The following HS3ST4 variants were observed in gnomAD, a reference collection of about 807,000 sequenced individuals.
HS3ST4 encodes the protein heparan sulfate glucosamine 3-O-sulfotransferase 4.
HS3ST4 carries 17 observed loss-of-function variants against 29.2 expected under a neutral mutation model. That is an observed-to-expected ratio of 0.58 (90% CI 0.40 to 0.87). The LOEUF (loss-of-function observed/expected upper bound fraction) is 0.87. Among genes scored for constraint, HS3ST4 ranks in the 40% least tolerant of loss-of-function variants. HS3ST4 has a pLI of 0.00. For missense variants in HS3ST4, 627 were observed against 634.5 expected (o/e 0.99, Z 0.13); for synonymous variants, 314 against 285.7 (o/e 1.10, Z -1.00).
intron 1 of HS3ST4, among the ~76,000 whole-genome samples, chr16:25,874,013 T>A (rs1967800910): frequency 7.5e-6 from 1 of 132,520 alleles, no homozygotes; most frequent in Non-Finnish European, 1.7e-5. Context: ...TATACCCTTA[T>A]CAAACACTCT....
intron 1 of HS3ST4, among the ~76,000 whole-genome samples, chr16:26,041,623 G>T (rs1969636626): frequency 6.6e-6 from 1 of 152,090 alleles, no homozygotes; most frequent in Non-Finnish European, 1.5e-5. Flanking sequence ...TTTAGATTTT[G>T]CAGGCCGTGA....
chr16:26,060,447 T>C (rs1267534704), intron 1 of HS3ST4, among the ~76,000 whole-genome samples: 1 of 152,220 alleles, frequency 6.6e-6, no homozygotes, highest in Non-Finnish European at 1.5e-5. Context: ...TGAAGTACAC[T>C]GCTGTCTGAC....
chr16:25,861,174 A>AG (rs1967632522), intron 1 of HS3ST4, among the ~76,000 whole-genome samples: 2 of 152,344 alleles, frequency 1.3e-5, no homozygotes, highest in East Asian at 3.9e-4. Context: ...GAACAGAGGC[A>AG]GGGGCATCCA....
At chr16:26,006,161 T>G (rs1402498391) in intron 1 of HS3ST4, among the ~76,000 whole-genome samples, 1 of 151,814 alleles carries the variant, frequency 6.6e-6, no homozygotes, top group African/African-American at 2.4e-5. Flanking sequence ...TAGCCAGGTG[T>G]GGTGGTGCAC....
At chr16:25,714,052 G>A (rs900923353) in intron 1 of HS3ST4, among the ~76,000 whole-genome samples, 3 of 151,742 alleles carry the variant, frequency 2.0e-5, no homozygotes, top group Non-Finnish European at 2.9e-5. Context: ...GAGTCTCCTC[G>A]GGGAATTTTG....
At chr16:26,007,457 T>C (rs1393708067) in intron 1 of HS3ST4, among the ~76,000 whole-genome samples, 1 of 152,194 alleles carries the variant, frequency 6.6e-6, no homozygotes, top group Non-Finnish European at 1.5e-5. Context: ...TCAGTTTCCT[T>C]ATCCATTCGT....
chr16:25,741,314 C>T (rs1390691861), intron 1 of HS3ST4, among the ~76,000 whole-genome samples: 1 of 117,844 alleles, frequency 8.5e-6, no homozygotes, highest in Non-Finnish European at 1.6e-5. Flanking sequence ...GCCAAAATTT[C>T]ATTTTAAGTA....
chr16:26,124,671 G>A (rs1374335165), intron 1 of HS3ST4, among the ~76,000 whole-genome samples: 1 of 152,218 alleles, frequency 6.6e-6, no homozygotes, highest in African/African-American at 2.4e-5. Context: ...AGTGCCACTT[G>A]CCCTGAATCC....
At chr16:26,125,604 T>G (rs1034061472) in intron 1 of HS3ST4, among the ~76,000 whole-genome samples, 1 of 152,200 alleles carries the variant, frequency 6.6e-6, no homozygotes, top group African/African-American at 2.4e-5. Flanking sequence ...ATAATTCCAT[T>G]CTCTCTTCAC....
intron 1 of HS3ST4, among the ~76,000 whole-genome samples, chr16:25,778,498 G>A (rs1966849722): frequency 6.6e-6 from 1 of 152,222 alleles, no homozygotes; most frequent in Non-Finnish European, 1.5e-5. Flanking sequence ...CTAATTTGAT[G>A]TCAGCTTGGC....
chr16:26,058,704 C>T (rs889669769), intron 1 of HS3ST4, among the ~76,000 whole-genome samples: 1 of 152,166 alleles, frequency 6.6e-6, no homozygotes, highest in Admixed American at 6.5e-5. Context: ...TATCCTTTGC[C>T]TCTACTTTGT....
chr16:26,119,322 A>C (rs78636364), intron 1 of HS3ST4, among the ~76,000 whole-genome samples: 2,831 of 152,352 alleles, frequency 0.019, 102 homozygotes, highest in African/African-American at 0.063. Context: ...TGGAGAAGGC[A>C]GTGCTGTAGA....
At chr16:26,032,890 G>A in intron 1 of HS3ST4, 1 of 1,244,010 alleles carries the variant, frequency 8.0e-7, no homozygotes, top group South Asian at 1.2e-5. Flanking sequence ...CGGTCTGGGG[G>A]TCGTTCTCGC....
At chr16:25,948,142 C>T (rs1041933832) in intron 1 of HS3ST4, among the ~76,000 whole-genome samples, 1 of 152,154 alleles carries the variant, frequency 6.6e-6, no homozygotes, top group African/African-American at 2.4e-5. Context: ...CCGACAGTCT[C>T]AAGGTCTCAG....
chr16:26,063,556 G>T (rs1358665535), intron 1 of HS3ST4, among the ~76,000 whole-genome samples: 1 of 151,946 alleles, frequency 6.6e-6, no homozygotes, highest in African/African-American at 2.4e-5. Context: ...AATTAGCTAG[G>T]TGTGGTGGTG....
At chr16:26,017,493 A>G (rs62034501) in intron 1 of HS3ST4, among the ~76,000 whole-genome samples, 33,830 of 152,130 alleles carry the variant, frequency 0.22, 4,757 homozygotes, top group East Asian at 0.46. Flanking sequence ...CAGAAATGAA[A>G]GAAAAGAGAG....
chr16:25,719,861 T>G (rs118042220), intron 1 of HS3ST4, among the ~76,000 whole-genome samples: 1,855 of 152,310 alleles, frequency 0.012, 14 homozygotes, highest in Middle Eastern at 0.034. Flanking sequence ...CACCAGACAC[T>G]GTTGTGGATA....
At chr16:25,798,873 T>C (rs1345609190) in intron 1 of HS3ST4, among the ~76,000 whole-genome samples, 2 of 152,224 alleles carry the variant, frequency 1.3e-5, no homozygotes, top group African/African-American at 4.8e-5. Context: ...CATGCCCGTC[T>C]GCCTGTTCCA....
chr16:25,757,631 T>TC (rs914160410), intron 1 of HS3ST4, among the ~76,000 whole-genome samples: 2 of 150,988 alleles, frequency 1.3e-5, no homozygotes, highest in African/African-American at 4.9e-5. Context: ...AACGAATGTG[T>TC]CCTCCCGTCA....
Sources: allele counts gnomAD v4.1 joint callset (sites outside exome capture counted in the v4.1 genomes callset), GRCh38; gene constraint gnomAD v4.1.1; transcripts MANE v1.5; gene names NCBI Gene and HGNC (gene_info 2026-07-23, HGNC 2026-07-21).